Variants in GABPA observed in about 807,000 individuals in gnomAD.
The protein encoded by GABPA is GA-binding protein alpha chain.
Under a neutral mutation model 59.4 loss-of-function variants are expected in GABPA, and 4 were observed. The ratio of observed to expected loss-of-function variants is 0.07; its 90% CI spans 0.03 to 0.15. The LOEUF (loss-of-function observed/expected upper bound fraction) is 0.15, where lower values mean the gene tolerates loss of function less well. Among genes scored for constraint, GABPA ranks in the 10% least tolerant of loss-of-function variants. GABPA has a pLI of 1.00. For synonymous variants in GABPA, 164 were observed against 183.1 expected, an observed-to-expected ratio of 0.90 and a Z score of 0.84; for missense variants, 251 against 543.8, an observed-to-expected ratio of 0.46 and a Z score of 5.36.
rs758898111 is a variant in GABPA at position 25,764,382 on chromosome 21, ATATC to A, written c.943+39_943+42del. The A allele has an allele frequency of 1.9e-6, 3 of 1,550,276 alleles. No homozygotes were observed. The Admixed American group carries it at 5.5e-5, about 28-fold the overall frequency. On this transcript the variant is annotated intron_variant, in intron 8 of 9. Coordinates refer to ENST00000400075, the MANE Select transcript of GABPA (RefSeq NM_002040.4). The stretch of plus-strand genomic sequence containing the variant: ...TTGTATTTTCTTGTATTTATAAAAT[ATATC>A]TATCTAATTAGGTATATTTTGTTGT...
At position 25,764,211 on chromosome 21, in the gene GABPA, T is replaced by G; in HGVS notation, c.804T>G (p.Pro268=). Residue 268 remains proline (P), a splice_region_variant and synonymous_variant, in exon 8 of 10, where the codon CCT becomes CCG. Coordinates refer to ENST00000400075, the MANE Select transcript of GABPA (RefSeq NM_002040.4). ...QMNEIVTIDQ[P]VQIIPASVQS... ...ATTTCTCCTTGTCTGTCTTTGCAGC[T>G]GTGCAAATTATTCCAGCATCAGTGC... The G allele has an allele frequency of 6.3e-7, 1 of 1,584,940 alleles. No homozygotes were observed. Among genetic ancestry groups the G allele is most frequent in the Non-Finnish European group, 8.5e-7 (1 of 1,170,974 alleles).
chr21:25,743,000 AC>A (rs1388013276), intron 2 of GABPA, among the ~76,000 whole-genome samples: 4 of 151,794 alleles, frequency 2.6e-5, no homozygotes, highest in Non-Finnish European at 5.9e-5. Context: ...GGAGCAACTT[AC>A]CTGGGTGGAT....
Position 25,764,640 on chromosome 21 carries a change from T to G in GABPA, c.989T>G (p.Leu330Arg). Residue 330 changes from leucine to arginine, a missense_variant, in exon 9 of 10, where the codon CTT (leucine) becomes CGT (arginine). Transcript: ENST00000400075. ...CTATGGCAGTTTTTGCTAGAACTTC[T>G]TACTGATAAGGACGCTCGAGACTGC... ...IQLWQFLLEL[L>R]TDKDARDCIS... is the part of the protein sequence containing the mutation. The G allele has an allele frequency of 6.2e-7, 1 of 1,612,076 alleles. No homozygotes were observed. Among genetic ancestry groups the G allele is most frequent in the Non-Finnish European group, 8.5e-7 (1 of 1,178,914 alleles).
In GABPA at chr21:25,770,168, A is replaced by G. The variant is rs2035981399; in HGVS notation, c.*936A>G. On this transcript the variant is annotated 3_prime_UTR_variant, in exon 10 of 10. Transcript: ENST00000400075. Reference sequence around the variant, plus strand: ...TCTGATAAAATGAAGACTTTAAATCAGTCAGTAGTACTTTACCTTTCAAGG... The same window carrying G: ...TCTGATAAAATGAAGACTTTAAATCGGTCAGTAGTACTTTACCTTTCAAGG... 1 of 152,574 alleles carries G rather than the reference A, an allele frequency of 6.6e-6. No homozygotes were observed. Among genetic ancestry groups the G allele is most frequent in the Admixed American group, 6.5e-5 (1 of 15,274 alleles). The allele number at this position is 152,574 out of a possible 1,614,324, so 9.5% of individuals were successfully genotyped here.
At chr21:25,735,697 C>G (rs1256169194) in intron 1 of GABPA, 119 bp downstream of exon 1, 2 of 151,952 alleles carry the variant, frequency 1.3e-5, no homozygotes, top group Non-Finnish European at 2.9e-5. Context: ...TTCCGCTGGT[C>G]CCCGGCGCTG....
intron 9 of GABPA, 136 bp downstream of exon 9, chr21:25,764,923 A>G (rs530260943): frequency 3.4e-6 from 2 of 582,520 alleles, no homozygotes; most frequent in Admixed American, 8.2e-5. Flanking sequence ...TACATATTAA[A>G]AAACCTTTTT....
intron 3 of GABPA, among the ~76,000 whole-genome samples, chr21:25,748,470 A>G (rs1035549644): frequency 1.5e-4 from 23 of 152,188 alleles, no homozygotes; most frequent in African/African-American, 5.5e-4. Flanking sequence ...AGGATATATG[A>G]AGGAAAAAAC....
intron 5 of GABPA, chr21:25,752,490 G>C (rs1310272226): frequency 4.7e-6 from 2 of 424,080 alleles, no homozygotes; most frequent in African/African-American, 3.9e-5. Flanking sequence ...AGAGAGAGAA[G>C]ATAGATGAAA....
Position 25,752,173 on chromosome 21 carries a change from A to C in GABPA, c.492A>C (p.Thr164=). 1 of 1,612,572 alleles carries C rather than the reference A, an allele frequency of 6.2e-7. No individual in the cohort carries two copies. Among genetic ancestry groups the C allele is most frequent in the Non-Finnish European group, 8.5e-7 (1 of 1,178,982 alleles). ...TISDETSEQV[T]RWAAALEGYR... ...CAGATGAAACTTCAGAACAAGTGAC[A>C]AGATGGGCTGCTGCACTGGAAGGCT... Residue 164 remains threonine, a synonymous_variant, in exon 5 of 10, where the codon ACA becomes ACC. Coordinates refer to ENST00000400075, the MANE Select transcript of GABPA (RefSeq NM_002040.4).
At chr21:25,765,479 A>G (rs1407149329) in intron 9 of GABPA, among the ~76,000 whole-genome samples, 1 of 150,956 alleles carries the variant, frequency 6.6e-6, no homozygotes, top group African/African-American at 2.4e-5. Flanking sequence ...ACACACACAC[A>G]CTCTCCCTTC....
chr21:25,750,494 A>G (rs71649693), intron 4 of GABPA, among the ~76,000 whole-genome samples: 192 of 152,354 alleles, frequency 1.3e-3, no homozygotes, highest in African/African-American at 4.4e-3. Context: ...TGTAATAGAC[A>G]TAGAGTCATC....
chr21:25,745,070 C>A, intron 2 of GABPA, 140 bp from the exon 3 acceptor site: 3 of 739,946 alleles, frequency 4.1e-6, no homozygotes, highest in Non-Finnish European at 6.7e-6. Context: ...TGGTGATGAG[C>A]CTGCCACAGT....
intron 5 of GABPA, among the ~76,000 whole-genome samples, chr21:25,757,268 A>G (rs566729001): frequency 1.7e-4 from 26 of 152,342 alleles, no homozygotes; most frequent in African/African-American, 6.3e-4. Context: ...TGCGGGTGAT[A>G]CAGCAATGTA....
intron 7 of GABPA, 40 bp downstream of exon 7, chr21:25,762,405 A>T: frequency 7.2e-7 from 1 of 1,396,164 alleles, no homozygotes; most frequent in Non-Finnish European, 9.8e-7. Flanking sequence ...TATTAATAAG[A>T]AATGTTTATT....
In GABPA at chr21:25,741,619, G is replaced by T. The variant is rs1358163822; in HGVS notation, c.21G>T (p.Glu7Asp). 6.2e-7 allele frequency: 1 copy of T among 1,611,880 alleles called. No homozygotes were observed. Among genetic ancestry groups the T allele is most frequent in the East Asian group, 2.2e-5 (1 of 44,814 alleles). Residue 7 changes from glutamate to aspartate, a missense_variant, in exon 2 of 10, where the codon GAG (glutamate) becomes GAT (aspartate). By Grantham distance (45) the Glu-to-Asp change is conservative. Coordinates refer to ENST00000400075, the MANE Select transcript of GABPA (RefSeq NM_002040.4). ...CAGCCATGACTAAAAGAGAAGCAGA[G>T]GAGCTGATAGAAATTGAGATTGATG... is the stretch of plus-strand genomic sequence containing the variant. MTKREA[E>D]ELIEIEIDGT...
In GABPA at chr21:25,735,184, G is replaced by C; in HGVS notation, c.-421G>C. 1 of 604,464 alleles carries C rather than the reference G, an allele frequency of 1.7e-6. No homozygotes were observed. Among genetic ancestry groups the C allele is most frequent in the Non-Finnish European group, 3.0e-6 (1 of 336,112 alleles). The allele number at this position is 604,464 out of a possible 1,614,324, so 37.4% of individuals were successfully genotyped here. On this transcript the variant is annotated 5_prime_UTR_variant, in exon 1 of 10. Coordinates refer to ENST00000400075, the MANE Select transcript of GABPA (RefSeq NM_002040.4). ...CTCTGTACGCATGCGCTCTTTGAGTGGCCTTTCCCCTAGTTCAAGCTCCCC... is the reference window on the plus strand; with the variant it reads ...CTCTGTACGCATGCGCTCTTTGAGTCGCCTTTCCCCTAGTTCAAGCTCCCC...
At chr21:25,760,027 A>G (rs2035729158) in intron 6 of GABPA, among the ~76,000 whole-genome samples, 1 of 152,114 alleles carries the variant, frequency 6.6e-6, no homozygotes. Flanking sequence ...TTCCATTTCC[A>G]TGCAGTTGAA....
rs71649641 is a variant in GABPA, at chr21:25,735,202, A to G, written c.-403A>G. ...TTTGAGTGGCCTTTCCCCTAGTTCA[A>G]GCTCCCCTCCGAGTCAGCGTCCTGT... On this transcript the variant is annotated 5_prime_UTR_variant, in exon 1 of 10. Transcript: ENST00000400075. 577 of 594,908 alleles carry G rather than the reference A, an allele frequency of 9.7e-4. 3 individuals are homozygous for G. The African/African-American group carries it at 9.8e-3, about 10-fold the overall frequency. The allele number at this position is 594,908 out of a possible 1,614,324, so 36.9% of individuals were successfully genotyped here.
chr21:25,738,567 T>C (rs950838714), intron 1 of GABPA, among the ~76,000 whole-genome samples: 8 of 152,228 alleles, frequency 5.3e-5, no homozygotes, highest in Admixed American at 2.0e-4. Flanking sequence ...TTTTCTATCC[T>C]GAGACCACAA....
Sources: gnomAD v4.1 joint callset for allele counts (sites outside exome capture counted in the v4.1 genomes callset) on GRCh38, gnomAD v4.1.1 for gene constraint, MANE v1.5 for transcripts, NCBI Gene and HGNC (gene_info 2026-07-23, HGNC 2026-07-21) for gene names.